The following PRDM10 variants were observed in gnomAD, a reference collection of about 807,000 sequenced individuals.
The protein encoded by PRDM10 is PR domain zinc finger protein 10.
Under a neutral mutation model 133.1 loss-of-function variants are expected in PRDM10, and 65 were observed. The ratio of observed to expected loss-of-function variants is 0.49; its 90% confidence interval spans 0.40 to 0.60. PRDM10 has a LOEUF of 0.60. Among genes scored for constraint, PRDM10 ranks in the 20% least tolerant of loss-of-function variants. PRDM10 has a pLI of 0.00. For missense variants in PRDM10, 1,137 were observed against 1,507.1 expected, an observed-to-expected ratio of 0.75 and a Z score of 4.07; for synonymous variants, 582 against 580.4, an observed-to-expected ratio of 1.00 and a Z score of -0.04.
At chr11:129,967,118 C>T (rs1235709477) in intron 1 of PRDM10, among the ~76,000 whole-genome samples, 2 of 152,132 alleles carry the variant, frequency 1.3e-5, no homozygotes, top group Non-Finnish European at 2.9e-5. Context: ...AAGCCGGGCG[C>T]GGTGGCTCAT....
At chr11:129,940,051 A>G (rs369795639) in intron 7 of PRDM10, among the ~76,000 whole-genome samples, 6 of 152,240 alleles carry the variant, frequency 3.9e-5, no homozygotes, top group African/African-American at 1.4e-4. Context: ...GAAGTCAAAC[A>G]GTGATGCAGG....
At chr11:129,944,531 G>A (rs1253660658) in intron 6 of PRDM10, among the ~76,000 whole-genome samples, 1 of 150,590 alleles carries the variant, frequency 6.6e-6, no homozygotes, top group Non-Finnish European at 1.5e-5. Context: ...CTTGCAGTGA[G>A]CCGAGATCGC....
intron 1 of PRDM10, among the ~76,000 whole-genome samples, chr11:129,978,592 G>A (rs1937921474): frequency 1.3e-5 from 2 of 152,186 alleles, no homozygotes; most frequent in East Asian, 1.9e-4. Flanking sequence ...GAAGCCCGTC[G>A]GGCAGGTCTG....
intron 11 of PRDM10, among the ~76,000 whole-genome samples, chr11:129,929,690 G>A (rs749649639): frequency 5.3e-5 from 8 of 150,752 alleles, no homozygotes; most frequent in Non-Finnish European, 1.2e-4. Flanking sequence ...TACAATTACG[G>A]CTGGACTGTG....
chr11:129,978,958 A>G (rs553170286), intron 1 of PRDM10, among the ~76,000 whole-genome samples: 46 of 152,286 alleles, frequency 3.0e-4, no homozygotes, highest in Non-Finnish European at 6.6e-4. Context: ...GGCTCCTGCC[A>G]TTCACTCAGA....
intron 12 of PRDM10, among the ~76,000 whole-genome samples, chr11:129,924,356 T>G (rs1327039126): frequency 1.3e-5 from 2 of 152,232 alleles, no homozygotes; most frequent in Non-Finnish European, 2.9e-5. Flanking sequence ...AATGAAATCA[T>G]GAGTATTCTG....
chr11:130,000,835 G>A (rs1034536063), intron 1 of PRDM10, among the ~76,000 whole-genome samples: 17 of 152,236 alleles, frequency 1.1e-4, no homozygotes, highest in African/African-American at 2.4e-4. Flanking sequence ...GGCCGAGCGC[G>A]GGGGCCCATG....
At chr11:130,002,228 C>T (rs1040946668) in intron 1 of PRDM10, among the ~76,000 whole-genome samples, 7 of 148,910 alleles carry the variant, frequency 4.7e-5, no homozygotes, top group African/African-American at 1.7e-4. Context: ...CCGCCGCCGC[C>T]GGAGCGCGCA....
Position 129,935,260 on chromosome 11 carries a change from A to G in PRDM10, c.1040-42T>C, listed in dbSNP as rs151281707. 3.3e-4 allele frequency: 477 copies of G among 1,463,460 alleles called. 2 individuals are homozygous for G. In the African/African-American group the frequency reaches 6.0e-3, roughly 18 times the overall value. The allele number at this position is 1,463,460 out of a possible 1,614,324, so 90.7% of individuals were successfully genotyped here. On this transcript the variant is annotated intron_variant, in intron 8 of 20. Coordinates refer to ENST00000360871, the MANE Select transcript of PRDM10 (RefSeq NM_199437.2). Reference sequence around the variant, plus strand: ...GAAATCATAAAGGCTGATGACCAATAGACACCAGTAAAACTCAAAAGTCTG... The same window carrying G: ...GAAATCATAAAGGCTGATGACCAATGGACACCAGTAAAACTCAAAAGTCTG...
chr11:129,955,845 T>C (rs1489160036), intron 3 of PRDM10, among the ~76,000 whole-genome samples: 1 of 152,226 alleles, frequency 6.6e-6, no homozygotes, highest in African/African-American at 2.4e-5. Flanking sequence ...TTCTTGGGAC[T>C]GAATGTCACA....
intron 6 of PRDM10, among the ~76,000 whole-genome samples, chr11:129,943,946 T>C (rs1951303111): frequency 6.6e-6 from 1 of 152,052 alleles, no homozygotes; most frequent in Admixed American, 6.5e-5. Context: ...GAGCTGAGAT[T>C]GCACCACTGC....
intron 1 of PRDM10, among the ~76,000 whole-genome samples, chr11:129,988,500 G>A (rs987370099): frequency 4.0e-5 from 6 of 151,820 alleles, no homozygotes; most frequent in African/African-American, 1.5e-4. Context: ...CCAAAGTGCT[G>A]GGATTACAGC....
At chr11:129,990,518 T>G (rs1189784575) in intron 1 of PRDM10, among the ~76,000 whole-genome samples, 1 of 113,534 alleles carries the variant, frequency 8.8e-6, no homozygotes, top group Non-Finnish European at 1.7e-5. Flanking sequence ...TGAGACTTTG[T>G]CTCCAAAAAA....
rs375758043 is a variant in PRDM10 at position 129,931,065 on chromosome 11, G to A, written c.1481C>T (p.Thr494Ile). The change falls in exon 11 of 21, where the codon ACC (threonine) becomes ATC (isoleucine). Residue 494 changes from threonine (T) to isoleucine (I), a missense_variant. Thr to Ile is a moderately conservative substitution (Grantham distance 89, BLOSUM62 -1). This residue lies in a region of PRDM10 where 635 missense variants were observed against 835.2 expected (regional missense o/e 0.76). Coordinates refer to ENST00000360871, the MANE Select transcript of PRDM10 (RefSeq NM_199437.2). ...GTCGTCGGCTGTCAGCGTGCTCTGGGTGGGCACCACGCTCTCTTCATGCTG... is the reference window on the plus strand; with the variant it reads ...GTCGTCGGCTGTCAGCGTGCTCTGGATGGGCACCACGCTCTCTTCATGCTG... ...QPQHEESVVP[T>I]QSTLTADDMR... is the part of the protein sequence containing the mutation. 6.2e-6 allele frequency: 10 copies of A among 1,614,092 alleles called. No homozygotes were observed. Among genetic ancestry groups the A allele is most frequent in the Non-Finnish European group, 7.6e-6 (9 of 1,180,038 alleles).
At chr11:129,975,698 C>G (rs1199202307) in intron 1 of PRDM10, among the ~76,000 whole-genome samples, 1 of 152,130 alleles carries the variant, frequency 6.6e-6, no homozygotes, top group Admixed American at 6.5e-5. Flanking sequence ...ACACTGACAC[C>G]ATTCCCTTCC....
rs139244517 is a variant in PRDM10, at chr11:129,932,224, C to A, written c.1165G>T (p.Gly389Cys). Residue 389 changes from glycine (G) to cysteine (C), a missense_variant, in exon 10 of 21, where the codon GGC becomes TGC. Transcript: ENST00000360871. ...CTCTTGCCTCGTCCCCTTCCTCTGC[C>A]TCTTGTTCTGGGGACAAGAGATTGG... ...EKLDVFSRTRGRGRGRGKRRF... is the reference protein window; with the variant it reads ...EKLDVFSRTRCRGRGRGKRRF... 3.1e-6 allele frequency: 5 copies of A among 1,614,030 alleles called. No homozygotes were observed. Among genetic ancestry groups the A allele is most frequent in the Non-Finnish European group, 4.2e-6 (5 of 1,179,930 alleles).
rs774134253 is a variant in PRDM10 at position 129,910,433 on chromosome 11, T to TC, written c.3163+42dup. ...AGAAATTATGACACATGGCTGGAGATCCCCCACCCCTGACCGACACGGCAT... is the reference window on the plus strand; with the variant it reads ...AGAAATTATGACACATGGCTGGAGATCCCCCCACCCCTGACCGACACGGCAT... On this transcript the variant is annotated intron_variant, in intron 19 of 20. Coordinates refer to ENST00000360871, the MANE Select transcript of PRDM10 (RefSeq NM_199437.2). 3.7e-6 allele frequency: 6 copies of TC among 1,609,326 alleles called. No homozygotes were observed. The South Asian group carries it at 5.5e-5, about 15-fold the overall frequency.
intron 1 of PRDM10, among the ~76,000 whole-genome samples, chr11:129,976,031 G>C (rs1937739217): frequency 6.6e-6 from 1 of 152,110 alleles, no homozygotes; most frequent in Admixed American, 6.5e-5. Context: ...GGTTTCTCAG[G>C]GTGAAGGGAA....
In PRDM10 at chr11:129,912,218, G is replaced by C. The variant is rs769568022; in HGVS notation, c.2849C>G (p.Ser950Cys). The change falls in exon 18 of 21, where the codon TCC (serine) becomes TGC (cysteine). Residue 950 changes from serine to cysteine, a missense_variant. By Grantham distance (112) the Ser-to-Cys change is moderately radical. This residue lies in a region of PRDM10 where 243 missense variants were observed against 259.2 expected (regional missense o/e 0.94). Transcript: ENST00000360871. ...AGTGGACTGCTGTGACTGGTGAGGG[G>C]AAGTGGCCTGGAAGGAGAAAAAACA... is the stretch of plus-strand genomic sequence containing the variant. ...LQVVQVASAT[S>C]PHQSQQSTVD... is the part of the protein sequence containing the mutation. 6.3e-7 allele frequency: 1 copy of C among 1,586,628 alleles called. No homozygotes were observed. Among genetic ancestry groups the C allele is most frequent in the South Asian group, 1.1e-5 (1 of 88,506 alleles).
Sources: allele counts gnomAD v4.1 joint callset (sites outside exome capture counted in the v4.1 genomes callset), GRCh38; gene constraint gnomAD v4.1.1; regional missense constraint gnomAD v4.1.1; transcripts MANE v1.5; gene names NCBI Gene and HGNC (gene_info 2026-07-23, HGNC 2026-07-21).